Variants in POLQ observed in about 807,000 individuals in gnomAD.
POLQ encodes epididymis secretory sperm binding protein.
POLQ carries 233 observed loss-of-function variants against 259.2 expected under a neutral mutation model. The ratio of observed to expected loss-of-function variants is 0.90; its 90% CI spans 0.81 to 1.00. The LOEUF (loss-of-function observed/expected upper bound fraction) is 1.00. Among genes scored for constraint, POLQ ranks in the 50% least tolerant of loss-of-function variants. POLQ has a pLI of 0.00. For missense variants in POLQ, 2,871 were observed against 3,051.6 expected (o/e 0.94, Z 1.39); for synonymous variants, 1,025 against 1,048.8 (o/e 0.98, Z 0.44).
intron 25 of POLQ, among the ~76,000 whole-genome samples, chr3:121,455,667 T>C (rs913931832): frequency 2.7e-4 from 41 of 152,060 alleles, no homozygotes; most frequent in Non-Finnish European, 5.6e-4. Flanking sequence ...ACACACACGC[T>C]CCCAAGACTA....
At chr3:121,464,415 AT>A (rs1039382871) in intron 24 of POLQ, among the ~76,000 whole-genome samples, 6 of 152,200 alleles carry the variant, frequency 3.9e-5, no homozygotes, top group Non-Finnish European at 8.8e-5. Context: ...AATTTTATGC[AT>A]TTTTAAAGCA....
At chr3:121,481,925 T>A in intron 18 of POLQ, 113 bp from the exon 19 acceptor site, 1 of 947,428 alleles carries the variant, frequency 1.1e-6, no homozygotes, top group South Asian at 1.8e-5. Context: ...TCATTTTCAT[T>A]TAATATTTAT....
chr3:121,459,628 G>A (rs928346092), intron 25 of POLQ, among the ~76,000 whole-genome samples: 1 of 152,026 alleles, frequency 6.6e-6, no homozygotes, highest in Admixed American at 6.6e-5. Flanking sequence ...TGATCCGCCC[G>A]CCTCAGCCTC....
chr3:121,494,439 A>G, intron 14 of POLQ: 1 of 1,533,440 alleles, frequency 6.5e-7, no homozygotes, highest in Admixed American at 1.7e-5. Flanking sequence ...CAAGAGAAGA[A>G]GCAGAGGCTG....
intron 12 of POLQ, among the ~76,000 whole-genome samples, chr3:121,505,846 TAAAA>T (rs35298276): frequency 1.6e-5 from 2 of 126,212 alleles, no homozygotes; most frequent in Non-Finnish European, 1.7e-5. Context: ...CCATCTCTAC[TAAAA>T]AAAAAAAAAA....
intron 25 of POLQ, among the ~76,000 whole-genome samples, chr3:121,457,651 C>T (rs1576403835): frequency 6.6e-6 from 1 of 152,164 alleles, no homozygotes; most frequent in South Asian, 2.1e-4. Flanking sequence ...TCATCACTGG[C>T]CATCAGAGAA....
intron 26 of POLQ, among the ~76,000 whole-genome samples, chr3:121,440,888 C>T (rs879937241): frequency 2.6e-5 from 4 of 151,708 alleles, no homozygotes; most frequent in Non-Finnish European, 4.4e-5. Flanking sequence ...GCATGAGTTA[C>T]GATAAATATT....
In POLQ at chr3:121,487,601, G is replaced by C. The variant is rs185374827; in HGVS notation, c.5330C>G (p.Pro1777Arg). The change falls in exon 16 of 30, where the codon CCT (proline) becomes CGT (arginine). Residue 1777 changes from proline to arginine, a missense_variant. Pro to Arg is a moderately radical substitution (Grantham distance 103). Coordinates refer to ENST00000264233, the MANE Select transcript of POLQ (RefSeq NM_199420.4). ...QPGESYLFGS[P>R]SDIKNHDLSP... ...TAAATCGTGGTTTTTAATATCTGAAGGTGAGCCAAATAAATAACTTTCACC... is the reference window on the plus strand; with the variant it reads ...TAAATCGTGGTTTTTAATATCTGAACGTGAGCCAAATAAATAACTTTCACC... The C allele has an allele frequency of 9.9e-6, 16 of 1,613,958 alleles. No homozygotes were observed. The East Asian group carries it at 3.3e-4, about 34-fold the overall frequency.
Position 121,539,492 on chromosome 3 carries a change from A to G in POLQ, c.572T>C (p.Ile191Thr), listed in dbSNP as rs138477339. The G allele has an allele frequency of 1.8e-5, 29 of 1,613,364 alleles. No individual in the cohort carries two copies. The highest frequency in any genetic ancestry group is 1.6e-4 in the Middle Eastern group (1 of 6,082). ...FSSLDIAVCT[I>T]ERANGLINRL... ...ATTGATCAGACCATTGGCTCTCTCA[A>G]TTGTGCAGACTGCAATATCCAATGA... Residue 191 changes from isoleucine to threonine, a missense_variant, in exon 4 of 30, where the codon ATT (isoleucine) becomes ACT (threonine). Around this residue, in one of 3 missense-constraint regions of POLQ, gnomAD observed 783 missense variants for 906.2 expected, o/e 0.86. Transcript: ENST00000264233.
chr3:121,452,811 G>A (rs1040052208), intron 25 of POLQ, among the ~76,000 whole-genome samples: 6 of 152,130 alleles, frequency 3.9e-5, no homozygotes, highest in Admixed American at 6.5e-5. Flanking sequence ...TGGGGGCAGG[G>A]CACAGAAAAA....
intron 9 of POLQ, 118 bp downstream of exon 9, chr3:121,519,753 T>C: frequency 2.9e-6 from 2 of 699,848 alleles, no homozygotes; most frequent in Non-Finnish European, 2.6e-6. Flanking sequence ...ATGACACTAG[T>C]GCATTGGATA....
chr3:121,489,174 G>C lies in POLQ; in HGVS notation c.3757C>G (p.Gln1253Glu), dbSNP rs201567462. The change falls in exon 16 of 30, where the codon CAG becomes GAG. Residue 1253 changes from glutamine (Q) to glutamate (E), a missense_variant. By Grantham distance (29) the Gln-to-Glu change is conservative (BLOSUM62 2). This residue lies in a region of POLQ where 2,080 missense variants were observed against 2,126.0 expected (regional missense o/e 0.98). Coordinates refer to ENST00000264233, the MANE Select transcript of POLQ (RefSeq NM_199420.4). Reference sequence around the variant, plus strand: ...CTGCTTATATCATCTCCTAATGCCTGAAAATGACTTGGTTTATTTTCCTCT... The same window carrying C: ...CTGCTTATATCATCTCCTAATGCCTCAAAATGACTTGGTTTATTTTCCTCT... ...NTEENKPSHF[Q>E]ALGDDISRTV... The C allele has an allele frequency of 6.2e-7, 1 of 1,612,550 alleles. No homozygotes were observed. The highest frequency in any genetic ancestry group is 1.3e-5 in the African/African-American group (1 of 74,820).
At chr3:121,438,995 C>A (rs1329073979) in intron 27 of POLQ, among the ~76,000 whole-genome samples, 2 of 151,994 alleles carry the variant, frequency 1.3e-5, no homozygotes, top group East Asian at 3.9e-4. Context: ...CTAATGAGCA[C>A]TAAAACACAA....
Position 121,489,047 on chromosome 3 carries a change from G to C in POLQ, c.3884C>G (p.Thr1295Arg), listed in dbSNP as rs767612456. The change falls in exon 16 of 30, where the codon ACA (threonine) becomes AGA (arginine). Residue 1295 changes from threonine to arginine, a missense_variant. Around this residue, in one of 3 missense-constraint regions of POLQ, gnomAD observed 2,080 missense variants for 2,126.0 expected, o/e 0.98. Transcript: ENST00000264233. ...AGTTTTGTTTGTTGTATAAGTACCT[G>C]TTTTTTCTTGTAGTCTAGAAATATT... ...FLNISRLQEK[T>R]GTYTTNKTKN... The C allele has an allele frequency of 1.4e-5, 23 of 1,613,180 alleles. No homozygotes were observed. The East Asian group carries it at 4.9e-4, about 34-fold the overall frequency.
At chr3:121,447,537 T>C (rs1394311057) in intron 26 of POLQ, among the ~76,000 whole-genome samples, 1 of 152,168 alleles carries the variant, frequency 6.6e-6, no homozygotes, top group East Asian at 1.9e-4. Flanking sequence ...GTTACAGTTA[T>C]TTTTGATTAA....
chr3:121,435,925 AT>A (rs1380259769), intron 28 of POLQ, among the ~76,000 whole-genome samples, 196 bp downstream of exon 28: 2 of 152,236 alleles, frequency 1.3e-5, no homozygotes, highest in African/African-American at 4.8e-5. Context: ...TTAATTTATA[AT>A]ATGGTAAATA....
intron 9 of POLQ, among the ~76,000 whole-genome samples, chr3:121,518,752 C>T (rs2108811832): frequency 1.1e-5 from 1 of 93,648 alleles, no homozygotes. Flanking sequence ...AACTGTTTGC[C>T]TGTTTTGTTT....
At chr3:121,437,767 A>T (rs753534643) in intron 27 of POLQ, among the ~76,000 whole-genome samples, 1 of 152,244 alleles carries the variant, frequency 6.6e-6, no homozygotes, top group Non-Finnish European at 1.5e-5. Context: ...CTTCAAACTG[A>T]AAACCCAAGT....
Position 121,496,924 on chromosome 3 carries a change from G to T in POLQ, c.2162C>A (p.Thr721Asn), listed in dbSNP as rs142688084. The change falls in exon 14 of 30, where the codon ACC (threonine) becomes AAC (asparagine). Residue 721 changes from threonine to asparagine, a missense_variant. Physicochemically the swap from Thr to Asn is moderately conservative, Grantham distance 65. Transcript: ENST00000264233. Reference sequence around the variant, plus strand: ...GATTAAATCTAATAGCACAAGACTGGTGAAAAACCTGGGAATAAATCATCA... The same window carrying T: ...GATTAAATCTAATAGCACAAGACTGTTGAAAAACCTGGGAATAAATCATCA... ...RQMAIHKRFF[T>N]SLVLLDLISE... 211 of 1,611,790 alleles carry T rather than the reference G, an allele frequency of 1.3e-4. No individual in the cohort carries two copies. In the African/African-American group the frequency reaches 2.7e-3, roughly 21 times the overall value.
Sources: gnomAD v4.1 joint callset for allele counts (sites outside exome capture counted in the v4.1 genomes callset) on GRCh38, gnomAD v4.1.1 for gene constraint, gnomAD v4.1.1 regional missense constraint, MANE v1.5 for transcripts, NCBI Gene and HGNC (gene_info 2026-07-23, HGNC 2026-07-21) for gene names.